NKAIN3: variants seen among roughly 807,000 people sequenced by gnomAD.
The protein encoded by NKAIN3 is sodium/potassium-transporting ATPase subunit beta-1-interacting protein 3.
A neutral mutation model predicts 30.2 loss-of-function variants in NKAIN3; 25 were observed. The ratio of observed to expected loss-of-function variants is 0.83; its 90% CI spans 0.60 to 1.16. The LOEUF is 1.16. NKAIN3 is among the 50% of genes most tolerant of loss of function. The pLI, the probability that NKAIN3 is intolerant of heterozygous loss-of-function variation, is 0.00. For synonymous variants in NKAIN3, 91 were observed against 89.6 expected (o/e 1.02, Z -0.09); for missense variants, 225 against 254.1 (o/e 0.89, Z 0.78).
chr8:62,799,108 G>T (rs868247595), intron 4 of NKAIN3, among the ~76,000 whole-genome samples: 1 of 152,174 alleles, frequency 6.6e-6, no homozygotes, highest in Non-Finnish European at 1.5e-5. Flanking sequence ...GTTGGGACTG[G>T]AAATGGAGGG....
intron 1 of NKAIN3, among the ~76,000 whole-genome samples, chr8:62,477,100 T>C (rs773980278): frequency 2.0e-5 from 3 of 152,164 alleles, no homozygotes; most frequent in Admixed American, 6.5e-5. Flanking sequence ...GCAGGAAATG[T>C]TCCTGCAGAG....
At chr8:62,888,264 G>A (rs2130821820) in intron 4 of NKAIN3, among the ~76,000 whole-genome samples, 1 of 152,294 alleles carries the variant, frequency 6.6e-6, no homozygotes, top group Non-Finnish European at 1.5e-5. Flanking sequence ...GGCTTGTTAA[G>A]AACAGAATGC....
chr8:62,320,498 T>A (rs1814840910), intron 1 of NKAIN3, among the ~76,000 whole-genome samples: 1 of 152,150 alleles, frequency 6.6e-6, no homozygotes, highest in South Asian at 2.1e-4. Flanking sequence ...GTTTAGTGCT[T>A]CCTTCAGGAG....
chr8:62,411,932 C>A (rs1804251137), intron 1 of NKAIN3, among the ~76,000 whole-genome samples: 1 of 152,194 alleles, frequency 6.6e-6, no homozygotes, highest in South Asian at 2.1e-4. Flanking sequence ...GAAAAACATT[C>A]CAGGCTTATG....
rs143090490 is a variant in NKAIN3 at position 62,653,158 on chromosome 8, C to T, written c.273+63364C>T. ...ACTATAGACTGGGTTGCTTAAGTAACAGAAATGTATTTTCCCAAAGGTCTG... is the reference window on the plus strand; with the variant it reads ...ACTATAGACTGGGTTGCTTAAGTAATAGAAATGTATTTTCCCAAAGGTCTG... On this transcript the variant is annotated intron_variant, in intron 3 of 6. Coordinates refer to ENST00000623646, the MANE Select transcript of NKAIN3 (RefSeq NM_001304533.3). 4.3e-4 allele frequency among the ~76,000 whole-genome samples: 65 copies of T among 152,216 alleles called. No homozygotes were observed. The East Asian group carries it at 0.011, about 25-fold the overall frequency.
chr8:62,469,521 A>G (rs1046218915), intron 1 of NKAIN3, among the ~76,000 whole-genome samples: 2 of 152,188 alleles, frequency 1.3e-5, no homozygotes, highest in African/African-American at 2.4e-5. Flanking sequence ...GAGTGCGGAC[A>G]CAGAGAAGAC....
intron 2 of NKAIN3, 32 bp downstream of exon 2, chr8:62,579,708 T>G: frequency 7.7e-7 from 1 of 1,291,044 alleles, no homozygotes; most frequent in Non-Finnish European, 1.0e-6. Flanking sequence ...TTGCTTCATA[T>G]AAACAATTCA....
intron 4 of NKAIN3, among the ~76,000 whole-genome samples, chr8:62,810,032 A>G (rs993867227): frequency 2.6e-5 from 4 of 152,138 alleles, no homozygotes; most frequent in African/African-American, 9.7e-5. Flanking sequence ...CACAGGGTCC[A>G]AGGTGGAAGT....
chr8:62,395,322 G>A (rs1175238604), intron 1 of NKAIN3, among the ~76,000 whole-genome samples: 4 of 151,802 alleles, frequency 2.6e-5, no homozygotes, highest in Non-Finnish European at 5.9e-5. Context: ...ACGGTGGGGC[G>A]GCCGGGCAGA....
chr8:62,996,959 G>A (rs992889418), intron 5 of NKAIN3, among the ~76,000 whole-genome samples: 3 of 152,136 alleles, frequency 2.0e-5, no homozygotes, highest in Non-Finnish European at 2.9e-5. Context: ...CCAGGCACAC[G>A]GTGCAAGCTG....
intron 4 of NKAIN3, among the ~76,000 whole-genome samples, chr8:62,809,552 T>A (rs1368280074): frequency 6.6e-6 from 1 of 152,192 alleles, no homozygotes; most frequent in Admixed American, 6.6e-5. Context: ...AAAGCATGTG[T>A]GTATGAAGAA....
intron 1 of NKAIN3, among the ~76,000 whole-genome samples, chr8:62,571,612 T>A (rs1163086467): frequency 1.3e-5 from 2 of 151,996 alleles, no homozygotes; most frequent in East Asian, 3.9e-4. Context: ...TAGCAGAGGA[T>A]CTCCATGAGG....
At chr8:62,890,005 T>G (rs1360717700) in intron 4 of NKAIN3, among the ~76,000 whole-genome samples, 3 of 152,204 alleles carry the variant, frequency 2.0e-5, no homozygotes, top group Non-Finnish European at 4.4e-5. Context: ...TAATACAAGC[T>G]CTATATTCAC....
intron 1 of NKAIN3, among the ~76,000 whole-genome samples, chr8:62,270,868 A>C (rs552033228): frequency 1.3e-5 from 2 of 152,294 alleles, no homozygotes; most frequent in East Asian, 3.9e-4. Flanking sequence ...CCAGTGAAAA[A>C]CAAGAGCAGT....
At chr8:62,707,237 C>T (rs1475567319) in intron 3 of NKAIN3, among the ~76,000 whole-genome samples, 1 of 152,014 alleles carries the variant, frequency 6.6e-6, no homozygotes, top group African/African-American at 2.4e-5. Flanking sequence ...CCTCTGTGTA[C>T]ATACCCAGTA....
At chr8:62,365,636 A>C (rs1206278303) in intron 1 of NKAIN3, among the ~76,000 whole-genome samples, 9 of 152,156 alleles carry the variant, frequency 5.9e-5, no homozygotes, top group African/African-American at 2.2e-4. Context: ...CTCTAAGCTT[A>C]TCGGTGTGAA....
intron 6 of NKAIN3, among the ~76,000 whole-genome samples, chr8:62,955,689 A>G (rs1415166656): frequency 6.6e-6 from 1 of 152,216 alleles, no homozygotes; most frequent in Non-Finnish European, 1.5e-5. Context: ...ACGCCCATGT[A>G]CCTATGTACC....
chr8:62,413,157 G>A (rs938479122), intron 1 of NKAIN3, among the ~76,000 whole-genome samples: 1 of 152,150 alleles, frequency 6.6e-6, no homozygotes, highest in Non-Finnish European at 1.5e-5. Flanking sequence ...ATGCTGGCCA[G>A]GCTGTAGATA....
intron 4 of NKAIN3, among the ~76,000 whole-genome samples, chr8:62,836,393 C>G (rs1404368117): frequency 6.6e-6 from 1 of 152,008 alleles, no homozygotes; most frequent in Non-Finnish European, 1.5e-5. Flanking sequence ...TTTAGTATAA[C>G]ATACTAAAAC....
Sources: allele counts gnomAD v4.1 joint callset (sites outside exome capture counted in the v4.1 genomes callset), GRCh38; gene constraint gnomAD v4.1.1; transcripts MANE v1.5; gene names NCBI Gene and HGNC (gene_info 2026-07-23, HGNC 2026-07-21).